DLGAP2: variants seen among roughly 807,000 people sequenced by gnomAD.
DLGAP2 encodes disks large-associated protein 2.
Under a neutral mutation model 100.3 loss-of-function variants are expected in DLGAP2, and 26 were observed. The observed-to-expected ratio is 0.26, with a 90% CI of 0.19 to 0.36. The LOEUF is 0.36. DLGAP2 is among the 10% of genes least tolerant of loss of function. The pLI, the probability that DLGAP2 is intolerant of heterozygous loss-of-function variation, is 1.00. For synonymous variants in DLGAP2, 886 were observed against 630.1 expected (o/e 1.41, Z -6.08); for missense variants, 1,858 against 1,453.2 (o/e 1.28, Z -4.53).
At chr8:1,471,734 G>A (rs1470271015) in intron 3 of DLGAP2, among the ~76,000 whole-genome samples, 1 of 152,128 alleles carries the variant, frequency 6.6e-6, no homozygotes, top group Non-Finnish European at 1.5e-5. Context: ...GCTGGTGACG[G>A]ACCATGCTGT....
In DLGAP2 at chr8:907,904, T is replaced by A; in HGVS notation, c.19-8T>A. 2.5e-6 allele frequency: 1 copy of A among 398,940 alleles called. No individual in the cohort carries two copies. The highest frequency in any genetic ancestry group is 4.4e-6 in the Non-Finnish European group (1 of 226,062). The allele number at this position is 398,940 out of a possible 1,614,324, so 24.7% of individuals were successfully genotyped here. A position where few individuals can be genotyped will look rare whatever the true frequency, so the allele number is the denominator to read the frequency against. ...ACAAATGTATTTTATTTATTTGTTT[T>A]AAAACAGGTTTTGCCTGGCATTCTG... is the stretch of plus-strand genomic sequence containing the variant. On this transcript the variant is annotated splice_region_variant and splice_polypyrimidine_tract_variant and intron_variant, in intron 1 of 14. Transcript: ENST00000637795.
At chr8:1,349,607 CATCCACGCATGTCATGAGCCT>C in intron 3 of DLGAP2, among the ~76,000 whole-genome samples, 3 of 136,102 alleles carry the variant, frequency 2.2e-5, no homozygotes, top group South Asian at 2.7e-4. Flanking sequence ...CTCCTGCCCA[CATCCACGCATGTCATGAGCCT>C]CCCGCCCACA....
intron 2 of DLGAP2, among the ~76,000 whole-genome samples, chr8:934,531 G>T (rs1429256973): frequency 6.6e-6 from 1 of 152,194 alleles, no homozygotes; most frequent in African/African-American, 2.4e-5. Context: ...CCTACTTGGG[G>T]TGGCTCTGAG....
chr8:1,337,749 G>T (rs1237537841), intron 3 of DLGAP2, among the ~76,000 whole-genome samples: 5 of 152,166 alleles, frequency 3.3e-5, no homozygotes, highest in Non-Finnish European at 7.3e-5. Context: ...TCTAGAAAGT[G>T]AAAATACAAC....
intron 3 of DLGAP2, among the ~76,000 whole-genome samples, chr8:1,266,682 G>A (rs1309902511): frequency 2.0e-5 from 3 of 152,118 alleles, no homozygotes; most frequent in Non-Finnish European, 2.9e-5. Context: ...CACCCGGGAC[G>A]TTGAAGGCTT....
intron 1 of DLGAP2, among the ~76,000 whole-genome samples, chr8:896,306 G>A (rs1286341005): frequency 6.6e-6 from 1 of 151,960 alleles, no homozygotes; most frequent in East Asian, 1.9e-4. Context: ...ATGCAGGTTT[G>A]GAGGAGAGGA....
chr8:1,472,704 G>C (rs1391080009), intron 3 of DLGAP2, among the ~76,000 whole-genome samples: 1 of 152,148 alleles, frequency 6.6e-6, no homozygotes, highest in East Asian at 1.9e-4. Context: ...AGCCACAGTG[G>C]TCTCTGCAGA....
At chr8:1,670,283 G>A (rs980075026) in intron 10 of DLGAP2, among the ~76,000 whole-genome samples, 3 of 152,174 alleles carry the variant, frequency 2.0e-5, no homozygotes, top group Non-Finnish European at 4.4e-5. Context: ...AAGTCAGCAC[G>A]CTCGGCACAG....
chr8:1,269,883 C>T (rs1282175419), intron 3 of DLGAP2, among the ~76,000 whole-genome samples: 3 of 152,200 alleles, frequency 2.0e-5, no homozygotes, highest in East Asian at 3.8e-4. Context: ...CGCTGAGTGA[C>T]TCATTTTCTA....
intron 2 of DLGAP2, among the ~76,000 whole-genome samples, chr8:1,194,482 A>T (rs1295708883): frequency 6.6e-6 from 1 of 152,078 alleles, no homozygotes; most frequent in Non-Finnish European, 1.5e-5. Context: ...CCTCAGTCCC[A>T]CTTTCCAGGT....
At chr8:1,380,357 C>G (rs1429382911) in intron 3 of DLGAP2, 1 of 152,084 alleles carries the variant, frequency 6.6e-6, no homozygotes, top group Non-Finnish European at 1.5e-5. Flanking sequence ...CGGAAGCAGC[C>G]GTCTCCAGAA....
chr8:1,232,398 C>G (rs1010640542), intron 2 of DLGAP2, among the ~76,000 whole-genome samples: 1 of 152,212 alleles, frequency 6.6e-6, no homozygotes, highest in African/African-American at 2.4e-5. Context: ...CATTCCAGGT[C>G]TCTGCCCCAT....
chr8:1,008,855 G>A (rs757849291), intron 2 of DLGAP2, among the ~76,000 whole-genome samples: 12 of 152,312 alleles, frequency 7.9e-5, no homozygotes, highest in Non-Finnish European at 1.5e-4. Flanking sequence ...TCCTGATTCC[G>A]CCCAGGCAGC....
rs1563164755 is a variant in DLGAP2 at position 1,464,239 on chromosome 8, ACCCTTCCAGGACGGCT to A, written c.107-37111_107-37096del. Among the ~76,000 whole-genome samples the A allele has an allele frequency of 1.7e-4, 21 of 126,964 alleles. 1 individual carries two copies. The highest frequency in any genetic ancestry group is 2.8e-4 in the South Asian group (1 of 3,592). 83.3% of individuals were successfully genotyped at this position (126,964 alleles called of 152,430 possible). A position where few individuals can be genotyped will look rare whatever the true frequency, so the allele number is the denominator to read the frequency against. On this transcript the variant is annotated intron_variant, in intron 3 of 14. Coordinates refer to ENST00000637795, the MANE Select transcript of DLGAP2 (RefSeq NM_001346810.2). ...CAGGACGGCTCCCTTCCAGGACGAC[ACCCTTCCAGGACGGCT>A]CCCTTCCAGGACGGCACCCTTCCAG...
intron 1 of DLGAP2, among the ~76,000 whole-genome samples, chr8:770,652 C>CTCTCCT (rs1458340850): frequency 6.6e-6 from 1 of 152,128 alleles, no homozygotes; most frequent in Non-Finnish European, 1.5e-5. Flanking sequence ...TCGGTGGCGT[C>CTCTCCT]TCTCCTTCGT....
chr8:813,509 A>C (rs1052705054), intron 1 of DLGAP2, among the ~76,000 whole-genome samples: 1 of 152,166 alleles, frequency 6.6e-6, no homozygotes, highest in Non-Finnish European at 1.5e-5. Context: ...GGCACCCTTG[A>C]GGTGTGCGTG....
chr8:746,120 G>A (rs964880021), intron 1 of DLGAP2, among the ~76,000 whole-genome samples: 1 of 152,238 alleles, frequency 6.6e-6, no homozygotes, highest in Non-Finnish European at 1.5e-5. Context: ...GTGCGTCGCT[G>A]CTTTCCTCCA....
chr8:979,768 G>C (rs987435624), intron 2 of DLGAP2, among the ~76,000 whole-genome samples: 1 of 152,194 alleles, frequency 6.6e-6, no homozygotes, highest in Non-Finnish European at 1.5e-5. Flanking sequence ...TTTTAAGGAA[G>C]GATTAGGATA....
rs1488273232 is a variant in DLGAP2, at chr8:1,227,995, A to G, written c.74-30856A>G. On this transcript the variant is annotated intron_variant, in intron 2 of 14. Transcript: ENST00000637795. ...AGTAACCGTTTTACTATTTATATGCATGTTATGACATGTTATATACCTTAA... is the reference window on the plus strand; with the variant it reads ...AGTAACCGTTTTACTATTTATATGCGTGTTATGACATGTTATATACCTTAA... Among the ~76,000 whole-genome samples the G allele has an allele frequency of 4.6e-5, 7 of 151,954 alleles. No individual in the cohort carries two copies. The East Asian group carries it at 5.8e-4, about 13-fold the overall frequency.
Sources: allele counts gnomAD v4.1 joint callset (sites outside exome capture counted in the v4.1 genomes callset), GRCh38; gene constraint gnomAD v4.1.1; transcripts MANE v1.5; gene names NCBI Gene and HGNC (gene_info 2026-07-23, HGNC 2026-07-21).